The following TDRD10 variants were observed in gnomAD, a reference collection of about 807,000 sequenced individuals.
The protein encoded by TDRD10 is tudor domain-containing protein 10.
A neutral mutation model predicts 48.0 loss-of-function variants in TDRD10; 40 were observed. The ratio of observed to expected loss-of-function variants is 0.83; its 90% confidence interval spans 0.65 to 1.09. The LOEUF (loss-of-function observed/expected upper bound fraction) is 1.09, where lower values mean the gene tolerates loss of function less well. Ranked by LOEUF, TDRD10 falls within the 50% of genes least tolerant of loss-of-function variation. The pLI is 0.00. For missense variants in TDRD10, 378 were observed against 434.7 expected, an observed-to-expected ratio of 0.87 and a Z score of 1.16; for synonymous variants, 162 against 170.4, an observed-to-expected ratio of 0.95 and a Z score of 0.38.
Position 154,544,388 on chromosome 1 carries a change from T to C in TDRD10, c.668T>C (p.Met223Thr), listed in dbSNP as rs1278969537. 5.7e-6 allele frequency: 9 copies of C among 1,589,336 alleles called. No homozygotes were observed. Among genetic ancestry groups the C allele is most frequent in the South Asian group, 1.1e-5 (1 of 87,450 alleles). ...ACCCCACAGGCTCTGCACCAGAACA[T>C]GCAGGCTCTGTTTAGCACCCTGGCT... ...MHVTEALHQN[M>T]QALFSTLAQA... Residue 223 changes from methionine to threonine, a missense_variant, in exon 10 of 13, where the codon ATG becomes ACG. This residue lies in a region of TDRD10 where 310 missense variants were observed against 323.6 expected (regional missense o/e 0.96). Coordinates refer to ENST00000368482, the MANE Select transcript of TDRD10 (RefSeq NM_182499.4).
chr1:154,544,550 A>T, intron 10 of TDRD10, 33 bp downstream of exon 10: 1 of 1,596,222 alleles, frequency 6.3e-7, no homozygotes, highest in Non-Finnish European at 8.6e-7. Context: ...AGTCTATGGG[A>T]GAGGCGTGCA....
chr1:154,545,873 T>C (rs61559765), intron 11 of TDRD10, among the ~76,000 whole-genome samples: 26,829 of 139,696 alleles, frequency 0.19, 2,750 homozygotes, highest in South Asian at 0.25. Context: ...CAAGTTCACA[T>C]AATTCTCCCG....
intron 4 of TDRD10, among the ~76,000 whole-genome samples, chr1:154,512,796 C>T (rs1354155689): frequency 6.6e-6 from 1 of 152,120 alleles, no homozygotes; most frequent in African/African-American, 2.4e-5. Context: ...TGGCTGATTC[C>T]AGATCTGGAG....
At chr1:154,507,171 A>T (rs1039380122) in intron 2 of TDRD10, 70 bp from the exon 3 acceptor site, 2 of 1,481,812 alleles carry the variant, frequency 1.3e-6, no homozygotes, top group African/African-American at 3.7e-5. Context: ...CCCTCTGCTT[A>T]TGCCTGACAC....
chr1:154,538,411 A>G (rs780994054), intron 6 of TDRD10, among the ~76,000 whole-genome samples: 1 of 151,884 alleles, frequency 6.6e-6, no homozygotes, highest in Non-Finnish European at 1.5e-5. Flanking sequence ...TTAGCTGGGT[A>G]TGGTGGCGCA....
chr1:154,518,244 G>T (rs994975791), intron 4 of TDRD10, among the ~76,000 whole-genome samples: 3 of 152,122 alleles, frequency 2.0e-5, no homozygotes, highest in Non-Finnish European at 4.4e-5. Flanking sequence ...TCATATTTTG[G>T]TGGCAGAATT....
At chr1:154,512,610 C>T (rs759332865) in intron 4 of TDRD10, among the ~76,000 whole-genome samples, 6 of 152,146 alleles carry the variant, frequency 3.9e-5, no homozygotes, top group Non-Finnish European at 8.8e-5. Flanking sequence ...TCCCAAAGTG[C>T]GGGGATTACA....
At chr1:154,539,323 A>T (rs1194969724) in intron 6 of TDRD10, among the ~76,000 whole-genome samples, 3 of 151,766 alleles carry the variant, frequency 2.0e-5, no homozygotes, top group Non-Finnish European at 2.9e-5. Context: ...TTTTTTTTAA[A>T]CAGAGTCTCA....
chr1:154,517,548 A>G (rs940702344), intron 4 of TDRD10, among the ~76,000 whole-genome samples: 18 of 150,246 alleles, frequency 1.2e-4, no homozygotes, highest in Non-Finnish European at 2.4e-4. Context: ...TCAGCCTCCC[A>G]AGTAGCTGGG....
At chr1:154,520,221 T>C in intron 4 of TDRD10, 83 bp from the exon 5 acceptor site, 1 of 954,884 alleles carries the variant, frequency 1.0e-6, no homozygotes, top group Non-Finnish European at 1.7e-6. Flanking sequence ...GAGTCCAGAC[T>C]AGCTGGCTGG....
At chr1:154,519,588 G>A (rs186397538) in intron 4 of TDRD10, among the ~76,000 whole-genome samples, 13 of 152,310 alleles carry the variant, frequency 8.5e-5, no homozygotes, top group Admixed American at 2.6e-4. Flanking sequence ...ATTTCAGTAG[G>A]GCTGGAACCA....
At chr1:154,524,140 G>A (rs754562115) in intron 6 of TDRD10, among the ~76,000 whole-genome samples, 1 of 151,966 alleles carries the variant, frequency 6.6e-6, no homozygotes, top group Non-Finnish European at 1.5e-5. Context: ...TTGATTATGG[G>A]TAAAATTTTC....
intron 6 of TDRD10, among the ~76,000 whole-genome samples, chr1:154,537,238 C>G (rs1323812041): frequency 6.6e-6 from 1 of 152,196 alleles, no homozygotes; most frequent in Non-Finnish European, 1.5e-5. Flanking sequence ...TTTGTCTCTT[C>G]ATCCCTCTTG....
chr1:154,547,071 T>A (rs778854580), intron 11 of TDRD10, among the ~76,000 whole-genome samples: 5 of 152,120 alleles, frequency 3.3e-5, no homozygotes, highest in Non-Finnish European at 7.4e-5. Context: ...CCTTCTTCTA[T>A]CCAGCCGGAA....
chr1:154,533,353 G>GTT (rs75204432), intron 6 of TDRD10, among the ~76,000 whole-genome samples: 26 of 134,432 alleles, frequency 1.9e-4, no homozygotes, highest in Non-Finnish European at 3.2e-4. Flanking sequence ...CTTTTGTTGG[G>GTT]TTTTTTTTTT....
intron 4 of TDRD10, among the ~76,000 whole-genome samples, chr1:154,515,368 G>A (rs1693703918): frequency 6.6e-6 from 1 of 152,184 alleles, no homozygotes; most frequent in African/African-American, 2.4e-5. Flanking sequence ...ATCCCATAAA[G>A]TGGCAAGCAG....
At chr1:154,521,242 G>C (rs1418638775) in intron 5 of TDRD10, 81 bp from the exon 6 acceptor site, 1 of 1,416,460 alleles carries the variant, frequency 7.1e-7, no homozygotes, top group East Asian at 2.3e-5. Context: ...TGGCCTTCCA[G>C]CTTGGGCTTG....
chr1:154,536,638 A>G (rs999527468), intron 6 of TDRD10, among the ~76,000 whole-genome samples: 2 of 152,238 alleles, frequency 1.3e-5, no homozygotes, highest in African/African-American at 4.8e-5. Context: ...CACAATCAAG[A>G]TAGAGAACAT....
At chr1:154,538,858 G>T (rs536578631) in intron 6 of TDRD10, among the ~76,000 whole-genome samples, 1 of 120,706 alleles carries the variant, frequency 8.3e-6, no homozygotes, top group African/African-American at 2.9e-5. Flanking sequence ...ATCTCACGGT[G>T]CTTTGTTATG....
Sources: gnomAD v4.1 joint callset for allele counts (sites outside exome capture counted in the v4.1 genomes callset) on GRCh38, gnomAD v4.1.1 for gene constraint, gnomAD v4.1.1 regional missense constraint, MANE v1.5 for transcripts, NCBI Gene and HGNC (gene_info 2026-07-23, HGNC 2026-07-21) for gene names.